Variants in EFCAB11 observed in about 807,000 individuals in gnomAD.
EFCAB11 encodes EF-hand calcium-binding domain-containing protein 11.
Under a neutral mutation model 23.0 loss-of-function variants are expected in EFCAB11, and 14 were observed. The ratio of observed to expected loss-of-function variants is 0.61; its 90% CI spans 0.40 to 0.95. The LOEUF (loss-of-function observed/expected upper bound fraction) is 0.95, where lower values mean the gene tolerates loss of function less well. EFCAB11 is among the 40% of genes least tolerant of loss of function. The pLI, the probability that EFCAB11 is intolerant of heterozygous loss-of-function variation, is 0.00. For synonymous variants in EFCAB11, 65 were observed against 66.6 expected, an observed-to-expected ratio of 0.98 and a Z score of 0.11; for missense variants, 198 against 195.8, an observed-to-expected ratio of 1.01 and a Z score of -0.07.
chr14:89,864,762 C>A (rs1207077271), intron 5 of EFCAB11, among the ~76,000 whole-genome samples: 1 of 152,138 alleles, frequency 6.6e-6, no homozygotes, highest in Non-Finnish European at 1.5e-5. Flanking sequence ...ATTAAATTAA[C>A]AGACTAAATA....
intron 5 of EFCAB11, among the ~76,000 whole-genome samples, chr14:89,828,680 T>G (rs1426692263): frequency 6.6e-6 from 1 of 152,190 alleles, no homozygotes; most frequent in African/African-American, 2.4e-5. Context: ...CCACAAGAAT[T>G]TTTTGAAAGA....
intron 5 of EFCAB11, among the ~76,000 whole-genome samples, chr14:89,917,098 ATGTG>A (rs1242468086): frequency 1.4e-5 from 1 of 73,342 alleles, no homozygotes; most frequent in Non-Finnish European, 2.4e-5. Flanking sequence ...GTGTGTGTGT[ATGTG>A]TGTGTTGAAA....
intron 5 of EFCAB11, among the ~76,000 whole-genome samples, chr14:89,833,395 G>A (rs1886952519): frequency 6.6e-6 from 1 of 152,184 alleles, no homozygotes. Flanking sequence ...ATTTTGGCAG[G>A]CATCTTTTCA....
intron 5 of EFCAB11, among the ~76,000 whole-genome samples, chr14:89,842,707 T>G (rs984764884): frequency 6.6e-6 from 1 of 152,182 alleles, no homozygotes; most frequent in Non-Finnish European, 1.5e-5. Flanking sequence ...GAGGAGGTCC[T>G]GCCTCCTGAA....
At chr14:89,822,915 C>T (rs1014728896) in intron 5 of EFCAB11, among the ~76,000 whole-genome samples, 6 of 152,168 alleles carry the variant, frequency 3.9e-5, no homozygotes, top group African/African-American at 9.7e-5. Flanking sequence ...AAACTTAGAA[C>T]CTGCCAGAAT....
chr14:89,854,938 G>A (rs368433103), intron 5 of EFCAB11, among the ~76,000 whole-genome samples: 13 of 152,252 alleles, frequency 8.5e-5, no homozygotes, highest in African/African-American at 3.1e-4. Flanking sequence ...CAGTAGCTTG[G>A]TCGGGGGTTT....
intron 5 of EFCAB11, among the ~76,000 whole-genome samples, chr14:89,852,911 T>C (rs542504979): frequency 2.6e-5 from 4 of 152,158 alleles, no homozygotes; most frequent in Non-Finnish European, 4.4e-5. Flanking sequence ...TCTGTACCCA[T>C]TGAACCCCAA....
At chr14:89,839,902 G>T (rs527473797) in intron 5 of EFCAB11, among the ~76,000 whole-genome samples, 1 of 152,128 alleles carries the variant, frequency 6.6e-6, no homozygotes, top group East Asian at 1.9e-4. Context: ...ATTAGAAACC[G>T]CCCCCATGAA....
At chr14:89,815,523 T>G (rs113729372) in intron 5 of EFCAB11, among the ~76,000 whole-genome samples, 9,952 of 151,822 alleles carry the variant, frequency 0.066, 727 homozygotes, top group African/African-American at 0.18. Context: ...GCCTCCCAGG[T>G]TCAAGCAATT....
At chr14:89,943,397 A>C (rs992401605) in intron 3 of EFCAB11, among the ~76,000 whole-genome samples, 9 of 151,630 alleles carry the variant, frequency 5.9e-5, no homozygotes, top group Non-Finnish European at 1.0e-4. Context: ...ATGTACCATC[A>C]GGCCTGGCTC....
chr14:89,833,466 G>A (rs1041615168), intron 5 of EFCAB11, among the ~76,000 whole-genome samples: 13 of 152,074 alleles, frequency 8.5e-5, no homozygotes, highest in East Asian at 1.9e-4. Context: ...ATTATTTGTC[G>A]GATGAATGAT....
chr14:89,879,988 A>G (rs867889856), intron 5 of EFCAB11, among the ~76,000 whole-genome samples: 4 of 152,226 alleles, frequency 2.6e-5, no homozygotes, highest in African/African-American at 9.6e-5. Context: ...TACGCATGTC[A>G]GCATTGGTAT....
chr14:89,849,224 G>A (rs183844651), intron 5 of EFCAB11, among the ~76,000 whole-genome samples: 1 of 152,316 alleles, frequency 6.6e-6, no homozygotes, highest in East Asian at 1.9e-4. Context: ...TGCCCAGGCA[G>A]TACTTCAACC....
chr14:89,859,752 C>T (rs1242685726), intron 5 of EFCAB11, among the ~76,000 whole-genome samples: 2 of 152,148 alleles, frequency 1.3e-5, no homozygotes, highest in Non-Finnish European at 2.9e-5. Flanking sequence ...AGAAGTAAGG[C>T]TGTTCCATCA....
At chr14:89,944,381 C>A (rs1890894250) in intron 3 of EFCAB11, among the ~76,000 whole-genome samples, 1 of 152,208 alleles carries the variant, frequency 6.6e-6, no homozygotes, top group South Asian at 2.1e-4. Context: ...CCTCCCACAA[C>A]ACGTGGGAAT....
chr14:89,878,237 T>A (rs975759057), intron 5 of EFCAB11, among the ~76,000 whole-genome samples: 2 of 152,194 alleles, frequency 1.3e-5, no homozygotes, highest in East Asian at 3.8e-4. Flanking sequence ...TATGTGGGGT[T>A]TGTATTGCTT....
At chr14:89,882,910 GCT>G (rs1429339415) in intron 5 of EFCAB11, among the ~76,000 whole-genome samples, 1 of 152,142 alleles carries the variant, frequency 6.6e-6, no homozygotes, top group East Asian at 1.9e-4. Flanking sequence ...AGATGAATGT[GCT>G]CTCTTGGGGT....
At chr14:89,855,442 C>T (rs1475275205) in intron 5 of EFCAB11, among the ~76,000 whole-genome samples, 5 of 151,940 alleles carry the variant, frequency 3.3e-5, no homozygotes, top group Non-Finnish European at 7.4e-5. Flanking sequence ...TGCCTCTGTA[C>T]TCCAGCCTGG....
At chr14:89,953,609 T>C (rs1891278251) in intron 2 of EFCAB11, among the ~76,000 whole-genome samples, 1 of 152,230 alleles carries the variant, frequency 6.6e-6, no homozygotes, top group African/African-American at 2.4e-5. Flanking sequence ...AAATTTCTCC[T>C]GTTACCAACA....
Sources: allele counts gnomAD v4.1 joint callset (sites outside exome capture counted in the v4.1 genomes callset), GRCh38; gene constraint gnomAD v4.1.1; transcripts MANE v1.5; gene names NCBI Gene and HGNC (gene_info 2026-07-23, HGNC 2026-07-21).